Variants in SEH1L observed in about 807,000 individuals in gnomAD.
SEH1L encodes SEH1 like nucleoporin.
SEH1L carries 18 observed loss-of-function variants against 49.5 expected under a neutral mutation model. The ratio of observed to expected loss-of-function variants is 0.36; its 90% confidence interval spans 0.25 to 0.54. The LOEUF (loss-of-function observed/expected upper bound fraction) is 0.54, where lower values mean the gene tolerates loss of function less well. SEH1L is among the 20% of genes least tolerant of loss of function. SEH1L has a pLI of 0.87. For missense variants in SEH1L, 404 were observed against 528.8 expected (o/e 0.76, Z 2.31); for synonymous variants, 169 against 178.1 (o/e 0.95, Z 0.41).
intron 2 of SEH1L, among the ~76,000 whole-genome samples, chr18:12,953,025 G>A (rs921103703): frequency 6.6e-6 from 1 of 151,950 alleles, no homozygotes; most frequent in Non-Finnish European, 1.5e-5. Flanking sequence ...CAAGTGATCC[G>A]CCCGCCTTGG....
chr18:12,974,738 C>T (rs9948681), intron 5 of SEH1L, among the ~76,000 whole-genome samples: 1 of 152,018 alleles, frequency 6.6e-6, no homozygotes, highest in Non-Finnish European at 1.5e-5. Flanking sequence ...TATAGGTTAC[C>T]GGGCATTTTT....
At chr18:12,967,974 A>G (rs1222225562) in intron 4 of SEH1L, among the ~76,000 whole-genome samples, 1 of 152,158 alleles carries the variant, frequency 6.6e-6, no homozygotes, top group East Asian at 1.9e-4. Flanking sequence ...TATGGTTACA[A>G]ATAAATTTTA....
intron 5 of SEH1L, chr18:12,976,068 C>T (rs1185212487): frequency 1.3e-5 from 2 of 158,836 alleles, no homozygotes; most frequent in African/African-American, 4.8e-5. Flanking sequence ...TCTATTGCTG[C>T]ATGACAGCAT....
chr18:12,961,224 C>T (rs1456369515), intron 3 of SEH1L, among the ~76,000 whole-genome samples: 1 of 152,116 alleles, frequency 6.6e-6, no homozygotes, highest in Admixed American at 6.5e-5. Flanking sequence ...GGTCATAGAT[C>T]AGTTAAGCTC....
chr18:12,984,277 A>G (rs753970501), intron 8 of SEH1L, 87 bp downstream of exon 8: 32 of 1,355,750 alleles, frequency 2.4e-5, no homozygotes, highest in Non-Finnish European at 3.1e-5. Flanking sequence ...TTCATGGATT[A>G]TAAGATGGAG....
intron 5 of SEH1L, chr18:12,978,531 C>A: frequency 4.6e-6 from 2 of 435,902 alleles, no homozygotes; most frequent in African/African-American, 2.0e-5. Context: ...TTCTGAGGTC[C>A]TTAATTACAT....
chr18:12,971,991 A>C (rs2031725857), intron 5 of SEH1L: 1 of 152,198 alleles, frequency 6.6e-6, no homozygotes, highest in South Asian at 2.1e-4. Flanking sequence ...TATCTATAAG[A>C]AGTAATGTCC....
At chr18:12,949,601 C>T (rs12967249) in intron 1 of SEH1L, among the ~76,000 whole-genome samples, 39,682 of 150,892 alleles carry the variant, frequency 0.26, 5,988 homozygotes, top group Admixed American at 0.36. Flanking sequence ...TACAGGCGCC[C>T]GCCACCACGC....
chr18:12,985,285 G>C (rs1418734490), intron 8 of SEH1L: 1 of 1,604,218 alleles, frequency 6.2e-7, no homozygotes, highest in South Asian at 1.1e-5. Context: ...TTGCTGTTTT[G>C]CTGCTTGTTG....
chr18:12,948,412 C>A, intron 1 of SEH1L, 180 bp downstream of exon 1: 1 of 488,180 alleles, frequency 2.0e-6, no homozygotes, highest in Non-Finnish European at 3.6e-6. Context: ...GGGGTCACGG[C>A]GGCCTCGCGG....
At chr18:12,975,718 G>C (rs1390730216) in intron 5 of SEH1L, 1 of 985,920 alleles carries the variant, frequency 1.0e-6, no homozygotes, top group East Asian at 1.1e-4. Flanking sequence ...TCACAAGGTT[G>C]TATTTACCTT....
Position 12,948,075 on chromosome 18 carries a change from C to T in SEH1L, c.-47C>T, listed in dbSNP as rs1340308779. ...GGCTACGGGCCACGCGCCGCCGCCG[C>T]TGCCGCCGCCACTGTCCTCTTCGGA... On this transcript the variant is annotated 5_prime_UTR_variant, in exon 1 of 9. Coordinates refer to ENST00000399892, the MANE Select transcript of SEH1L (RefSeq NM_001013437.2). 2 of 1,480,260 alleles carry T rather than the reference C, an allele frequency of 1.4e-6. No homozygotes were observed. The highest frequency in any genetic ancestry group is 2.4e-5 in the East Asian group (1 of 42,522). 91.7% of individuals were successfully genotyped at this position (1,480,260 alleles called of 1,614,324 possible). A position where few individuals can be genotyped will look rare whatever the true frequency, so the allele number is the denominator to read the frequency against.
intron 4 of SEH1L, among the ~76,000 whole-genome samples, 175 bp from the exon 5 acceptor site, chr18:12,970,978 C>T (rs1385350556): frequency 6.6e-6 from 1 of 152,162 alleles, no homozygotes; most frequent in African/African-American, 2.4e-5. Flanking sequence ...GTGTGACATT[C>T]TCAGGTGCAT....
chr18:12,966,839 C>T (rs1282932190), intron 4 of SEH1L, among the ~76,000 whole-genome samples: 1 of 152,108 alleles, frequency 6.6e-6, no homozygotes, highest in East Asian at 1.9e-4. Context: ...TTTGATTATT[C>T]CAGGATTTAC....
At chr18:12,978,703 T>G (rs745869856) in intron 5 of SEH1L, 49 bp from the exon 6 acceptor site, 1 of 1,525,430 alleles carries the variant, frequency 6.6e-7, no homozygotes, top group Non-Finnish European at 9.0e-7. Context: ...TGTGTGGATT[T>G]TTGCACATTT....
intron 6 of SEH1L, among the ~76,000 whole-genome samples, chr18:12,979,971 C>A (rs2032114413): frequency 7.3e-6 from 1 of 137,078 alleles, no homozygotes; most frequent in African/African-American, 2.7e-5. Flanking sequence ...CCCCTCACCT[C>A]CCGGACGGGG....
rs750866804 is a variant in SEH1L at position 12,978,914 on chromosome 18, G to T, written c.761+22G>T. 6 of 1,609,664 alleles carry T rather than the reference G, an allele frequency of 3.7e-6. No homozygotes were observed. The African/African-American group carries it at 8.0e-5, about 22-fold the overall frequency. ...TGAGGTGAGTTTTAGAAGCATTTATGAATTTGAAAATACTCTTGCCTTCTG... is the reference window on the plus strand; with the variant it reads ...TGAGGTGAGTTTTAGAAGCATTTATTAATTTGAAAATACTCTTGCCTTCTG... On this transcript the variant is annotated intron_variant, in intron 6 of 8. Coordinates refer to ENST00000399892, the MANE Select transcript of SEH1L (RefSeq NM_001013437.2).
chr18:12,969,694 A>G (rs1378261100), intron 4 of SEH1L, among the ~76,000 whole-genome samples: 1 of 151,860 alleles, frequency 6.6e-6, no homozygotes, highest in Admixed American at 6.6e-5. Flanking sequence ...CTCAAAAAAA[A>G]AAAAAAAATC....
intron 1 of SEH1L, 138 bp from the exon 2 acceptor site, chr18:12,951,717 T>A (rs1291783445): frequency 1.6e-6 from 1 of 608,240 alleles, no homozygotes; most frequent in African/African-American, 2.0e-5. Context: ...ATTGAATGAA[T>A]GAATGTTTAC....
Sources: gnomAD v4.1 joint callset for allele counts (sites outside exome capture counted in the v4.1 genomes callset) on GRCh38, gnomAD v4.1.1 for gene constraint, MANE v1.5 for transcripts, NCBI Gene and HGNC (gene_info 2026-07-23, HGNC 2026-07-21) for gene names.